The following FRMD3 variants were observed in gnomAD, a reference collection of about 807,000 sequenced individuals.
FRMD3 encodes the protein FERM domain containing 3, also known as FERM domain-containing protein 3.
In FRMD3, 33 loss-of-function variants were observed where a neutral mutation model predicts 70.2. That is an observed-to-expected ratio of 0.47 (90% CI 0.36 to 0.63). FRMD3 has a LOEUF of 0.63. FRMD3 is among the 20% of genes least tolerant of loss of function. FRMD3 has a pLI of 0.00. For synonymous variants in FRMD3, 279 were observed against 255.9 expected (o/e 1.09, Z -0.86); for missense variants, 632 against 711.4 (o/e 0.89, Z 1.27).
intron 13 of FRMD3, among the ~76,000 whole-genome samples, chr9:83,265,266 G>A (rs922389816): frequency 6.6e-6 from 1 of 151,916 alleles, no homozygotes; most frequent in Non-Finnish European, 1.5e-5. Flanking sequence ...CGGGCGTGGT[G>A]GCAGGCGCCT....
chr9:83,404,804 T>C (rs1826052368), intron 1 of FRMD3, among the ~76,000 whole-genome samples: 1 of 152,224 alleles, frequency 6.6e-6, no homozygotes, highest in Admixed American at 6.5e-5. Flanking sequence ...TATTTTTAGT[T>C]TTTGCTTTGT....
chr9:83,299,232 C>T (rs1304633479), intron 10 of FRMD3, 46 bp from the exon 11 acceptor site: 1 of 1,239,782 alleles, frequency 8.1e-7, no homozygotes, highest in Non-Finnish European at 1.2e-6. Context: ...TTGGAAAGTC[C>T]ACTTACAACA....
At chr9:83,408,887 T>C (rs746277143) in intron 1 of FRMD3, among the ~76,000 whole-genome samples, 1 of 152,012 alleles carries the variant, frequency 6.6e-6, no homozygotes, top group Non-Finnish European at 1.5e-5. Context: ...CACACACAGC[T>C]CAATTTGGAA....
chr9:83,417,581 G>A (rs1042717601), intron 1 of FRMD3, among the ~76,000 whole-genome samples: 12 of 152,192 alleles, frequency 7.9e-5, no homozygotes, highest in South Asian at 2.1e-4. Context: ...TTACCTGGAA[G>A]TGCCTGCAGA....
intron 13 of FRMD3, among the ~76,000 whole-genome samples, chr9:83,253,008 G>A (rs1254351062): frequency 2.0e-5 from 3 of 152,248 alleles, no homozygotes; most frequent in South Asian, 2.1e-4. Flanking sequence ...CCTGAACTCA[G>A]CTCCAGATCA....
chr9:83,551,456 C>A, the FRMD3 span, among the ~76,000 whole-genome samples: 1 of 152,034 alleles, frequency 6.6e-6, no homozygotes, highest in Admixed American at 6.6e-5. Flanking sequence ...TGTGTCTCTG[C>A]CAGGCTTTGA....
chr9:83,566,026 T>C, the FRMD3 span, among the ~76,000 whole-genome samples: 1 of 152,242 alleles, frequency 6.6e-6, no homozygotes, highest in Non-Finnish European at 1.5e-5. Flanking sequence ...TGGGGAATCT[T>C]GCACAGTTAC....
chr9:83,463,021 C>T (rs193088254), intron 1 of FRMD3, among the ~76,000 whole-genome samples: 3 of 152,178 alleles, frequency 2.0e-5, no homozygotes, highest in African/African-American at 7.2e-5. Flanking sequence ...ACAGAAATAC[C>T]CTAATCTTGC....
chr9:83,542,932 C>T (rs979801355), upstream of FRMD3, among the ~76,000 whole-genome samples: 1 of 152,142 alleles, frequency 6.6e-6, no homozygotes, highest in Admixed American at 6.6e-5. Context: ...AGACCACACA[C>T]TGTTCACAAA....
chr9:83,358,411 G>T (rs1824473923), intron 3 of FRMD3, among the ~76,000 whole-genome samples: 1 of 152,086 alleles, frequency 6.6e-6, no homozygotes, highest in African/African-American at 2.4e-5. Flanking sequence ...CTTTGTCTAT[G>T]TGGGCTCTTT....
Position 83,309,556 on chromosome 9 carries a change from C to A in FRMD3, c.906G>T (p.Val302=). 1 of 1,589,158 alleles carries A rather than the reference C, an allele frequency of 6.3e-7. No homozygotes were observed. Among genetic ancestry groups the A allele is most frequent in the Non-Finnish European group, 8.6e-7 (1 of 1,167,258 alleles). Residue 302 remains valine, a synonymous_variant, in exon 10 of 14, where the codon GTG becomes GTT. Coordinates refer to ENST00000304195, the MANE Select transcript of FRMD3 (RefSeq NM_174938.6). ...AACKHLWKCG[V]ENQAFYKYAK... is the part of the protein sequence containing the mutation. ...CTTACTTATAAAAGGCCTGGTTTTC[C>A]ACTCCACACTTCCAAAGATGTTTGC...
chr9:83,561,983 T>G, the FRMD3 span, among the ~76,000 whole-genome samples: 1 of 152,228 alleles, frequency 6.6e-6, no homozygotes. Context: ...ACATATCTTA[T>G]GCATCATCCA....
Position 83,266,884 on chromosome 9 carries a change from T to C in FRMD3, c.1196-18368A>G, listed in dbSNP as rs1036532355. ...CTCTGCTTTTCTCCCTTCCTCTCTC[T>C]CTTTTCATCCTTATCAAAAACCTCT... On this transcript the variant is annotated intron_variant, in intron 13 of 13. Transcript: ENST00000304195. 9.3e-6 allele frequency: 9 copies of C among 967,070 alleles called. No individual in the cohort carries two copies. In the African/African-American group the frequency reaches 1.1e-4, roughly 12 times the overall value. 59.9% of individuals were successfully genotyped at this position (967,070 alleles called of 1,614,324 possible).
chr9:83,412,285 A>T (rs1826301702), intron 1 of FRMD3, among the ~76,000 whole-genome samples: 1 of 152,232 alleles, frequency 6.6e-6, no homozygotes, highest in Non-Finnish European at 1.5e-5. Flanking sequence ...CCATTTGTCC[A>T]TTCTACTGTG....
At chr9:83,350,906 C>T (rs1824134336) in intron 3 of FRMD3, 2 of 503,018 alleles carry the variant, frequency 4.0e-6, no homozygotes, top group African/African-American at 2.1e-5. Flanking sequence ...TAGTGAGATG[C>T]ATTCAGATTT....
chr9:83,252,444 T>A (rs116584838), intron 13 of FRMD3, among the ~76,000 whole-genome samples: 1 of 152,192 alleles, frequency 6.6e-6, no homozygotes, highest in African/African-American at 2.4e-5. Context: ...CTGGTGATAC[T>A]GTGAACCAAC....
At position 83,246,047 on chromosome 9, in the gene FRMD3, G is replaced by T; in HGVS notation, c.*1871C>A. On this transcript the variant is annotated 3_prime_UTR_variant, in exon 14 of 14. Transcript: ENST00000304195. The stretch of plus-strand genomic sequence containing the variant: ...CAAATATATAGTCATTTGCTCGACT[G>T]CAGGCTTCACGAACTGAGTTTCAAA... 1 of 985,358 alleles carries T rather than the reference G, an allele frequency of 1.0e-6. No individual in the cohort carries two copies. Among genetic ancestry groups the T allele is most frequent in the Non-Finnish European group, 1.2e-6 (1 of 829,912 alleles). 61.0% of individuals were successfully genotyped at this position (985,358 alleles called of 1,614,324 possible).
intron 1 of FRMD3, among the ~76,000 whole-genome samples, chr9:83,441,305 T>G (rs1158005884): frequency 6.6e-6 from 1 of 152,174 alleles, no homozygotes; most frequent in East Asian, 1.9e-4. Flanking sequence ...TGGGAATGCC[T>G]GAGAAGTCAG....
chr9:83,434,546 C>T (rs1282805068), intron 1 of FRMD3, among the ~76,000 whole-genome samples: 1 of 152,214 alleles, frequency 6.6e-6, no homozygotes, highest in African/African-American at 2.4e-5. Flanking sequence ...CCTGCTTACC[C>T]AGCAGTAGAA....
Sources: gnomAD v4.1 joint callset for allele counts (sites outside exome capture counted in the v4.1 genomes callset) on GRCh38, gnomAD v4.1.1 for gene constraint, MANE v1.5 for transcripts, NCBI Gene and HGNC (gene_info 2026-07-23, HGNC 2026-07-21) for gene names.